Variants in CDK8 observed in about 807,000 individuals in gnomAD.
CDK8 encodes the protein cyclin dependent kinase 8, also known as cyclin-dependent kinase 8.
CDK8 carries 29 observed loss-of-function variants against 71.5 expected under a neutral mutation model. The observed-to-expected ratio is 0.41, with a 90% CI of 0.30 to 0.55. The LOEUF is 0.55. CDK8 is among the 20% of genes least tolerant of loss of function. The pLI is 0.37. For missense variants in CDK8, 288 were observed against 572.6 expected (o/e 0.50, Z 5.07); for synonymous variants, 161 against 192.1 (o/e 0.84, Z 1.34).
Position 26,267,387 on chromosome 13 carries a change from G to T in CDK8, c.128+12618G>T, listed in dbSNP as rs2039658524. On this transcript the variant is annotated intron_variant, in intron 1 of 12. Coordinates refer to ENST00000381527, the MANE Select transcript of CDK8 (RefSeq NM_001260.3). The stretch of plus-strand genomic sequence containing the variant: ...AGTCTCATGATAAAACATTTAAATT[G>T]TACATAAGAGTACCCAGGAAAATCT... Among the ~76,000 whole-genome samples the T allele has an allele frequency of 3.9e-5, 6 of 152,250 alleles. No homozygotes were observed. The South Asian group carries it at 1.2e-3, about 32-fold the overall frequency.
intron 1 of CDK8, among the ~76,000 whole-genome samples, chr13:26,323,331 G>C (rs1349829422): frequency 9.4e-6 from 1 of 106,938 alleles, no homozygotes; most frequent in African/African-American, 3.6e-5. Flanking sequence ...GAGAGAGGGA[G>C]AGAGAGAGGG....
intron 1 of CDK8, among the ~76,000 whole-genome samples, chr13:26,260,878 ATCTT>A (rs927772436): frequency 2.0e-5 from 3 of 152,144 alleles, no homozygotes; most frequent in African/African-American, 7.2e-5. Context: ...ACTGGTGTTA[ATCTT>A]TCTTGTAGTG....
intron 4 of CDK8, among the ~76,000 whole-genome samples, chr13:26,361,378 C>T (rs900277189): frequency 2.0e-5 from 3 of 152,088 alleles, no homozygotes; most frequent in African/African-American, 7.2e-5. Flanking sequence ...TCTTGATAAA[C>T]CCCTCATAAG....
chr13:26,270,217 T>C (rs946399437), intron 1 of CDK8, among the ~76,000 whole-genome samples: 5 of 151,938 alleles, frequency 3.3e-5, no homozygotes, highest in Non-Finnish European at 7.4e-5. Context: ...TGTGAAACCC[T>C]ATCTCTACTA....
intron 1 of CDK8, among the ~76,000 whole-genome samples, chr13:26,318,729 G>A (rs964972781): frequency 3.3e-5 from 5 of 152,154 alleles, no homozygotes; most frequent in Middle Eastern, 3.4e-3. Context: ...CTCAATTGAC[G>A]CAGAAAAAAT....
chr13:26,288,367 A>T (rs1388093842), intron 1 of CDK8, among the ~76,000 whole-genome samples: 1 of 152,072 alleles, frequency 6.6e-6, no homozygotes, highest in Non-Finnish European at 1.5e-5. Flanking sequence ...AGTTTTTTAC[A>T]TTTAGAGTTA....
intron 6 of CDK8, 27 bp from the exon 7 acceptor site, chr13:26,393,340 C>CT (rs376033714): frequency 0.057 from 57,888 of 1,017,346 alleles, 57 homozygotes; most frequent in African/African-American, 0.07. Context: ...ATTTTTCTTT[C>CT]TTTTTTTTTT....
intron 1 of CDK8, among the ~76,000 whole-genome samples, chr13:26,310,838 T>C (rs1210472609): frequency 1.3e-5 from 2 of 152,174 alleles, no homozygotes; most frequent in Non-Finnish European, 2.9e-5. Flanking sequence ...GTTGTGGTCT[T>C]CTCAAAGTTA....
At chr13:26,355,298 C>T (rs942691965) in intron 4 of CDK8, among the ~76,000 whole-genome samples, 4 of 152,196 alleles carry the variant, frequency 2.6e-5, no homozygotes, top group East Asian at 3.9e-4. Context: ...ATTTTTAATA[C>T]AGTTAGAATA....
intron 1 of CDK8, among the ~76,000 whole-genome samples, chr13:26,296,687 T>G (rs1332684990): frequency 6.6e-6 from 1 of 152,186 alleles, no homozygotes; most frequent in Non-Finnish European, 1.5e-5. Flanking sequence ...CCTATTGGTG[T>G]TGTCAAAGAG....
At chr13:26,305,082 T>C (rs1348046820) in intron 1 of CDK8, among the ~76,000 whole-genome samples, 1 of 152,242 alleles carries the variant, frequency 6.6e-6, no homozygotes, top group Non-Finnish European at 1.5e-5. Flanking sequence ...TCTTCCTGCA[T>C]TATCATGCTT....
At chr13:26,284,231 GA>G (rs1242754320) in intron 1 of CDK8, among the ~76,000 whole-genome samples, 1 of 152,080 alleles carries the variant, frequency 6.6e-6, no homozygotes, top group East Asian at 1.9e-4. Context: ...AGGAACTAAA[GA>G]AACGAAGAAC....
intron 1 of CDK8, among the ~76,000 whole-genome samples, chr13:26,276,384 A>G (rs1424237229): frequency 1.3e-5 from 2 of 152,118 alleles, no homozygotes; most frequent in Non-Finnish European, 2.9e-5. Flanking sequence ...TTGACATCTT[A>G]TATGTGATTT....
At chr13:26,336,152 TACAC>T (rs1394672780) in intron 1 of CDK8, among the ~76,000 whole-genome samples, 1 of 150,932 alleles carries the variant, frequency 6.6e-6, no homozygotes, top group Non-Finnish European at 1.5e-5. Context: ...CATACACACA[TACAC>T]ACACACAATC....
At chr13:26,341,624 A>C (rs1873243030) in intron 2 of CDK8, among the ~76,000 whole-genome samples, 1 of 152,202 alleles carries the variant, frequency 6.6e-6, no homozygotes, top group African/African-American at 2.4e-5. Context: ...GTTAGAATGC[A>C]ATATAGTTTT....
intron 1 of CDK8, among the ~76,000 whole-genome samples, chr13:26,277,372 C>T (rs1872596089): frequency 6.6e-6 from 1 of 152,146 alleles, no homozygotes; most frequent in Non-Finnish European, 1.5e-5. Flanking sequence ...TGTTATTGCC[C>T]TGGCTAGGTA....
intron 6 of CDK8, among the ~76,000 whole-genome samples, chr13:26,388,277 A>C (rs1323129332): frequency 2.6e-5 from 4 of 152,236 alleles, no homozygotes; most frequent in African/African-American, 9.6e-5. Flanking sequence ...TTCTATAAAT[A>C]TAAAATTATT....
chr13:26,370,635 G>C (rs142732056), intron 4 of CDK8, among the ~76,000 whole-genome samples: 1 of 152,128 alleles, frequency 6.6e-6, no homozygotes, highest in African/African-American at 2.4e-5. Context: ...AAACAGTCAC[G>C]ATACAGGATT....
intron 1 of CDK8, among the ~76,000 whole-genome samples, chr13:26,308,617 A>G (rs947766015): frequency 6.6e-6 from 1 of 152,230 alleles, no homozygotes; most frequent in African/African-American, 2.4e-5. Flanking sequence ...ATCTTGGTAG[A>G]TATTTGAGTT....
Sources: allele counts gnomAD v4.1 joint callset (sites outside exome capture counted in the v4.1 genomes callset), GRCh38; gene constraint gnomAD v4.1.1; transcripts MANE v1.5; gene names NCBI Gene and HGNC (gene_info 2026-07-23, HGNC 2026-07-21).